The following CENPW variants were observed in gnomAD, a reference collection of about 807,000 sequenced individuals.
CENPW encodes centromere protein W.
Under a neutral mutation model 11.1 loss-of-function variants are expected in CENPW, and 3 were observed. That is an observed-to-expected ratio of 0.27 (90% confidence interval 0.12 to 0.70). The LOEUF (loss-of-function observed/expected upper bound fraction) is 0.70, where lower values mean the gene tolerates loss of function less well. Among genes scored for constraint, CENPW ranks in the 30% least tolerant of loss-of-function variants. The pLI, the probability that CENPW is intolerant of heterozygous loss-of-function variation, is 0.77. For synonymous variants in CENPW, 38 were observed against 42.0 expected (o/e 0.91, Z 0.37); for missense variants, 100 against 105.6 (o/e 0.95, Z 0.23).
chr6:126,412,267 C>A, the CENPW span, among the ~76,000 whole-genome samples: 1 of 151,686 alleles, frequency 6.6e-6, no homozygotes, highest in African/African-American at 2.4e-5. Context: ...AGATTACAGG[C>A]ATGAACGACC....
intron 1 of CENPW, among the ~76,000 whole-genome samples, chr6:126,341,275 G>A (rs1275398947): frequency 6.6e-6 from 1 of 152,172 alleles, no homozygotes; most frequent in Non-Finnish European, 1.5e-5. Context: ...TTGGCTCTTT[G>A]AGTAAAGGAG....
the CENPW span, among the ~76,000 whole-genome samples, chr6:126,431,610 C>T: frequency 6.6e-6 from 1 of 152,156 alleles, no homozygotes; most frequent in African/African-American, 2.4e-5. Flanking sequence ...AATTCTAACA[C>T]ACTACTTGCT....
the CENPW span, among the ~76,000 whole-genome samples, chr6:126,410,497 A>G: frequency 6.6e-6 from 1 of 151,942 alleles, no homozygotes; most frequent in Non-Finnish European, 1.5e-5. Context: ...GGTTGAATCT[A>G]TTTTGAGATT....
chr6:126,456,651 T>G, the CENPW span, among the ~76,000 whole-genome samples: 1 of 151,582 alleles, frequency 6.6e-6, no homozygotes, highest in Non-Finnish European at 1.5e-5. Flanking sequence ...TGACAAAGAT[T>G]TCATGATGAA....
At chr6:126,423,397 G>A in the CENPW span, among the ~76,000 whole-genome samples, 1 of 152,070 alleles carries the variant, frequency 6.6e-6, no homozygotes, top group South Asian at 2.1e-4. Flanking sequence ...TGACACTTCA[G>A]GGACTCTCTT....
chr6:126,397,831 C>T, the CENPW span, among the ~76,000 whole-genome samples: 14 of 152,306 alleles, frequency 9.2e-5, 1 homozygote, highest in South Asian at 2.7e-3. Flanking sequence ...TTCAATTCCT[C>T]AACCTTGCCA....
At chr6:126,347,918 T>A (rs188455071) in intron 2 of CENPW, among the ~76,000 whole-genome samples, 16 of 152,116 alleles carry the variant, frequency 1.1e-4, no homozygotes, top group Admixed American at 9.2e-4. Context: ...GAAAATAATC[T>A]ACTTAACAGG....
At chr6:126,428,768 T>A in the CENPW span, among the ~76,000 whole-genome samples, 1 of 152,202 alleles carries the variant, frequency 6.6e-6, no homozygotes, top group Non-Finnish European at 1.5e-5. Flanking sequence ...GTAGGACCAA[T>A]CAACTGTGCC....
chr6:126,405,991 T>A, the CENPW span, among the ~76,000 whole-genome samples: 3 of 152,156 alleles, frequency 2.0e-5, no homozygotes, highest in Non-Finnish European at 4.4e-5. Context: ...CAGTATTATG[T>A]TGAATAAGAG....
chr6:126,397,178 C>CTA, the CENPW span, among the ~76,000 whole-genome samples: 8 of 152,098 alleles, frequency 5.3e-5, no homozygotes, highest in Non-Finnish European at 7.4e-5. Flanking sequence ...ATTTAGGACT[C>CTA]TAGAGTACTT....
chr6:126,405,880 A>C, the CENPW span, among the ~76,000 whole-genome samples: 2 of 151,918 alleles, frequency 1.3e-5, no homozygotes, highest in Admixed American at 1.3e-4. Flanking sequence ...ATCAATTCTA[A>C]GATTTTTTTG....
At chr6:126,358,787 C>T in the CENPW span, among the ~76,000 whole-genome samples, 2 of 151,980 alleles carry the variant, frequency 1.3e-5, no homozygotes, top group African/African-American at 4.8e-5. Flanking sequence ...AAATTGGGAC[C>T]TCCCAAGATT....
At chr6:126,365,711 C>G in the CENPW span, among the ~76,000 whole-genome samples, 1 of 152,146 alleles carries the variant, frequency 6.6e-6, no homozygotes, top group African/African-American at 2.4e-5. Context: ...AAAATACATG[C>G]ATTTATGATG....
the CENPW span, among the ~76,000 whole-genome samples, chr6:126,389,119 A>G: frequency 3.3e-5 from 5 of 151,910 alleles, no homozygotes; most frequent in Admixed American, 6.6e-5. Flanking sequence ...CTGTAACATA[A>G]TACCCTTGTA....
the CENPW span, among the ~76,000 whole-genome samples, chr6:126,416,887 C>T: frequency 3.3e-5 from 5 of 152,148 alleles, no homozygotes; most frequent in African/African-American, 1.2e-4. Context: ...GGGGTTGGAG[C>T]CCACACACAG....
the CENPW span, among the ~76,000 whole-genome samples, chr6:126,369,054 C>T: frequency 8.5e-5 from 13 of 152,136 alleles, no homozygotes; most frequent in East Asian, 2.5e-3. Flanking sequence ...TTTCCATTCC[C>T]GAGTTACTTC....
chr6:126,455,406 G>C, the CENPW span, among the ~76,000 whole-genome samples: 1 of 151,158 alleles, frequency 6.6e-6, no homozygotes, highest in Non-Finnish European at 1.5e-5. Flanking sequence ...GTGATGCAAA[G>C]TGTTTCAACA....
chr6:126,426,303 T>C, the CENPW span, among the ~76,000 whole-genome samples: 1 of 152,172 alleles, frequency 6.6e-6, no homozygotes, highest in Non-Finnish European at 1.5e-5. Context: ...TAGTTGTGGC[T>C]GCTTGTGGGT....
the CENPW span, among the ~76,000 whole-genome samples, chr6:126,413,600 G>A: frequency 6.6e-6 from 1 of 151,696 alleles, no homozygotes; most frequent in African/African-American, 2.4e-5. Context: ...CCTGTATCTA[G>A]AAATAAAAAA....
Sources: gnomAD v4.1 joint callset for allele counts (sites outside exome capture counted in the v4.1 genomes callset) on GRCh38, gnomAD v4.1.1 for gene constraint, MANE v1.5 for transcripts, NCBI Gene and HGNC (gene_info 2026-07-23, HGNC 2026-07-21) for gene names.